Variants in NBEAL1 observed in about 807,000 individuals in gnomAD.
The protein encoded by NBEAL1 is neurobeachin-like protein 1.
NBEAL1 carries 273 observed loss-of-function variants against 351.3 expected under a neutral mutation model. The ratio of observed to expected loss-of-function variants is 0.78; its 90% CI spans 0.70 to 0.86. The LOEUF (loss-of-function observed/expected upper bound fraction) is 0.86, where lower values mean the gene tolerates loss of function less well. Among genes scored for constraint, NBEAL1 ranks in the 40% least tolerant of loss-of-function variants. NBEAL1 has a pLI of 0.00. For missense variants in NBEAL1, 2,961 were observed against 3,201.3 expected (o/e 0.92, Z 1.81); for synonymous variants, 1,050 against 1,086.4 (o/e 0.97, Z 0.66).
chr2:203,121,952 G>C (rs1480439250), intron 18 of NBEAL1, among the ~76,000 whole-genome samples: 1 of 151,464 alleles, frequency 6.6e-6, no homozygotes, highest in Non-Finnish European at 1.5e-5. Flanking sequence ...CACCCGGCTA[G>C]TTTTTATATT....
At position 203,132,964 on chromosome 2, in the gene NBEAL1, T is replaced by C; in HGVS notation, c.3725-94T>C. On this transcript the variant is annotated intron_variant, in intron 26 of 55. Transcript: ENST00000683969. ...CTATAATTCATATTTTAAAATGAAATAATTATTTCAGCATTTTATACAAGT... is the reference window on the plus strand; with the variant it reads ...CTATAATTCATATTTTAAAATGAAACAATTATTTCAGCATTTTATACAAGT... 4.7e-6 allele frequency: 3 copies of C among 637,564 alleles called. No homozygotes were observed. The South Asian group carries it at 6.0e-5, about 13-fold the overall frequency. 39.5% of individuals were successfully genotyped at this position (637,564 alleles called of 1,614,324 possible). A position where few individuals can be genotyped will look rare whatever the true frequency, so the allele number is the denominator to read the frequency against.
chr2:203,105,600 G>A (rs2062420100), intron 12 of NBEAL1, among the ~76,000 whole-genome samples: 1 of 152,150 alleles, frequency 6.6e-6, no homozygotes, highest in South Asian at 2.1e-4. Context: ...TTTTCACTAT[G>A]TAAATTCTGA....
intron 51 of NBEAL1, among the ~76,000 whole-genome samples, chr2:203,208,094 C>A (rs536884254): frequency 1.3e-4 from 20 of 152,170 alleles, no homozygotes; most frequent in African/African-American, 3.6e-4. Context: ...CCAGCCTGGG[C>A]AACATGGCAA....
At chr2:203,208,874 A>G in intron 52 of NBEAL1, 121 bp downstream of exon 52, 1 of 715,760 alleles carries the variant, frequency 1.4e-6, no homozygotes, top group Non-Finnish European at 2.2e-6. Context: ...CCATACTTGT[A>G]TAGGACTTTG....
Position 203,167,178 on chromosome 2 carries a change from T to C in NBEAL1, c.5864-49T>C, listed in dbSNP as rs565029067. 2.7e-5 allele frequency: 42 copies of C among 1,540,718 alleles called. No individual in the cohort carries two copies. The East Asian group carries it at 8.2e-4, about 30-fold the overall frequency. ...ACTAAGAGGTATTTTCTACTTAGCA[T>C]GAGTAACTTTATATGGTATCTCAGT... On this transcript the variant is annotated intron_variant, in intron 37 of 55. Coordinates refer to ENST00000683969, the MANE Select transcript of NBEAL1 (RefSeq NM_001378026.1).
At chr2:203,169,673 A>C (rs2064257883) in intron 38 of NBEAL1, 74 bp from the exon 39 acceptor site, 1 of 698,644 alleles carries the variant, frequency 1.4e-6, no homozygotes, top group African/African-American at 1.8e-5. Flanking sequence ...CTCTCAATAC[A>C]GCTATTGTGA....
chr2:203,093,683 G>C (rs867460403), intron 10 of NBEAL1, among the ~76,000 whole-genome samples: 2 of 151,946 alleles, frequency 1.3e-5, no homozygotes, highest in African/African-American at 4.8e-5. Flanking sequence ...GCGAAACCCC[G>C]TCTCTACTAA....
chr2:203,171,420 C>T (rs1462216176), intron 39 of NBEAL1, among the ~76,000 whole-genome samples: 1 of 152,090 alleles, frequency 6.6e-6, no homozygotes, highest in South Asian at 2.1e-4. Context: ...GCCTGGGCAA[C>T]AAAGCAAGAC....
At position 203,017,070 on chromosome 2, in the gene NBEAL1, T is replaced by C. The variant is rs577279162; in HGVS notation, c.51+635T>C. 7.3e-4 allele frequency among the ~76,000 whole-genome samples: 111 copies of C among 152,350 alleles called. 1 individual carries two copies. The highest frequency in any genetic ancestry group is 2.5e-3 in the African/African-American group (104 of 41,580). ...ATCCATTTTTACTCCTTAATATTTT[T>C]GTCACTCAGAAATAATGTTCTTTCC... On this transcript the variant is annotated intron_variant, in intron 2 of 55. Coordinates refer to ENST00000683969, the MANE Select transcript of NBEAL1 (RefSeq NM_001378026.1).
At chr2:203,158,378 G>C (rs923824837) in intron 36 of NBEAL1, among the ~76,000 whole-genome samples, 4 of 152,160 alleles carry the variant, frequency 2.6e-5, no homozygotes, top group Non-Finnish European at 5.9e-5. Flanking sequence ...CTTTATGCCT[G>C]TAAGTTTGAC....
Position 203,046,260 on chromosome 2 carries a change from G to C in NBEAL1, c.144-3554G>C, listed in dbSNP as rs556008659. On this transcript the variant is annotated intron_variant, in intron 3 of 55. Coordinates refer to ENST00000683969, the MANE Select transcript of NBEAL1 (RefSeq NM_001378026.1). ...AGACAGAGTCTCACTCTGTTGCCCA[G>C]GCGGGAGTGCAGTGGCCCGATCTTG... Among the ~76,000 whole-genome samples, 4 of 151,964 alleles carry C rather than the reference G, an allele frequency of 2.6e-5. No homozygotes were observed. The East Asian group carries it at 7.7e-4, about 29-fold the overall frequency.
intron 19 of NBEAL1, among the ~76,000 whole-genome samples, chr2:203,124,808 C>T (rs1329994879): frequency 6.6e-6 from 1 of 152,092 alleles, no homozygotes. Flanking sequence ...CCTCATTTTA[C>T]AGATGAAGAA....
chr2:203,160,922 A>C (rs950085222), intron 36 of NBEAL1, among the ~76,000 whole-genome samples: 2 of 152,180 alleles, frequency 1.3e-5, no homozygotes, highest in Non-Finnish European at 2.9e-5. Context: ...GCTGAGTGCT[A>C]TAGCTCATGA....
intron 36 of NBEAL1, 93 bp from the exon 37 acceptor site, chr2:203,166,053 GAAA>G (rs1158363938): frequency 8.4e-7 from 1 of 1,195,998 alleles, no homozygotes; most frequent in African/African-American, 1.6e-5. Flanking sequence ...TCAAAAAAAA[GAAA>G]AAAAAGAGAT....
In NBEAL1 at chr2:203,062,352, A is replaced by G. The variant is rs74503953; in HGVS notation, c.515+4899A>G. Reference sequence around the variant, plus strand: ...TTCTGGGAAAAATCCAGCAACGCCCACTCCTGAGGGGTGAAGGTTACAGCC... The same window carrying G: ...TTCTGGGAAAAATCCAGCAACGCCCGCTCCTGAGGGGTGAAGGTTACAGCC... On this transcript the variant is annotated intron_variant, in intron 6 of 55. Transcript: ENST00000683969. The surrounding 1 kb of genome is among the most constrained non-coding windows in gnomAD (Gnocchi z 4.2). 16 of 486,970 alleles carry G rather than the reference A, an allele frequency of 3.3e-5. No homozygotes were observed. Among genetic ancestry groups the G allele is most frequent in the Admixed American group, 6.6e-5 (3 of 45,116 alleles). The allele number at this position is 486,970 out of a possible 1,614,324, so 30.2% of individuals were successfully genotyped here.
At chr2:203,161,289 T>C (rs951324645) in intron 36 of NBEAL1, among the ~76,000 whole-genome samples, 2 of 135,258 alleles carry the variant, frequency 1.5e-5, no homozygotes, top group African/African-American at 5.7e-5. Context: ...ATTGCGCCAC[T>C]GCACTCCAGC....
chr2:203,090,655 G>A (rs1004611772), intron 10 of NBEAL1, among the ~76,000 whole-genome samples: 19 of 152,150 alleles, frequency 1.2e-4, no homozygotes, highest in African/African-American at 4.6e-4. Flanking sequence ...TTGGGAGGCC[G>A]AGGTGGGCAG....
intron 18 of NBEAL1, among the ~76,000 whole-genome samples, chr2:203,117,364 G>C (rs2062723809): frequency 6.6e-6 from 1 of 152,000 alleles, no homozygotes; most frequent in African/African-American, 2.4e-5. Flanking sequence ...TCTGGAGGCT[G>C]AGGCAGGAGA....
Position 203,208,695 on chromosome 2 carries a change from A to C in NBEAL1, c.7565A>C (p.Asn2522Thr). The C allele has an allele frequency of 6.2e-7, 1 of 1,612,868 alleles. No homozygotes were observed. Among genetic ancestry groups the C allele is most frequent in the Non-Finnish European group, 8.5e-7 (1 of 1,179,736 alleles). ...TTTCAGATTCTTTATGGACACACCAACGAGGTACTGAGTGTCGGCATCAGC... is the reference window on the plus strand; with the variant it reads ...TTTCAGATTCTTTATGGACACACCACCGAGGTACTGAGTGTCGGCATCAGC... ...KPFQILYGHT[N>T]EVLSVGISTE... Residue 2522 changes from asparagine (N) to threonine (T), a missense_variant, in exon 52 of 56, where the codon AAC becomes ACC. By Grantham distance (65) the Asn-to-Thr change is moderately conservative. Transcript: ENST00000683969.
Sources: allele counts gnomAD v4.1 joint callset (sites outside exome capture counted in the v4.1 genomes callset), GRCh38; gene constraint gnomAD v4.1.1; non-coding constraint Gnocchi (gnomAD v3.1); transcripts MANE v1.5; gene names NCBI Gene and HGNC (gene_info 2026-07-23, HGNC 2026-07-21).